Variants in MAGI2 observed in about 807,000 individuals in gnomAD.
MAGI2 encodes membrane-associated guanylate kinase, WW and PDZ domain-containing protein 2.
In MAGI2, 35 loss-of-function variants were observed where a neutral mutation model predicts 133.3. That is an observed-to-expected ratio of 0.26 (90% confidence interval 0.20 to 0.35). MAGI2 has a LOEUF of 0.35. MAGI2 is among the 10% of genes least tolerant of loss of function. MAGI2 has a pLI of 1.00. For synonymous variants in MAGI2, 729 were observed against 710.6 expected (o/e 1.03, Z -0.41); for missense variants, 1,636 against 1,863.4 (o/e 0.88, Z 2.25).
chr7:78,612,099 T>G (rs1806514206), intron 3 of MAGI2, among the ~76,000 whole-genome samples: 1 of 152,230 alleles, frequency 6.6e-6, no homozygotes, highest in Admixed American at 6.5e-5. Context: ...TCTACTATTG[T>G]TTGTAAAAAT....
intron 3 of MAGI2, among the ~76,000 whole-genome samples, chr7:78,536,316 T>G (rs936483819): frequency 2.7e-5 from 4 of 150,622 alleles, no homozygotes; most frequent in Non-Finnish European, 4.4e-5. Context: ...GTTTCACCGT[T>G]TTAGCCGGGA....
chr7:78,213,821 C>A (rs12374970), intron 10 of MAGI2, among the ~76,000 whole-genome samples: 29,517 of 152,172 alleles, frequency 0.19, 3,248 homozygotes, highest in East Asian at 0.29. Flanking sequence ...ATTCACGAAT[C>A]ATTCTTTGCT....
intron 2 of MAGI2, among the ~76,000 whole-genome samples, chr7:78,894,814 C>T (rs1042086733): frequency 2.6e-5 from 4 of 152,132 alleles, no homozygotes; most frequent in South Asian, 2.1e-4. Context: ...CTCACACATT[C>T]GACTTTTTCT....
chr7:79,167,141 A>G (rs1043843871), intron 1 of MAGI2, among the ~76,000 whole-genome samples: 1 of 111,848 alleles, frequency 8.9e-6, no homozygotes, highest in Admixed American at 1.0e-4. Context: ...TACAGGCTTT[A>G]TAGGGTCTTT....
intron 1 of MAGI2, among the ~76,000 whole-genome samples, chr7:79,081,418 G>A (rs749770786): frequency 2.0e-5 from 3 of 152,100 alleles, no homozygotes; most frequent in Non-Finnish European, 4.4e-5. Context: ...TTGCCAAAGT[G>A]TATGCTCCAT....
intron 2 of MAGI2, among the ~76,000 whole-genome samples, chr7:78,728,985 A>G (rs1320046331): frequency 6.6e-6 from 1 of 152,188 alleles, no homozygotes; most frequent in East Asian, 1.9e-4. Context: ...TGCTCACTGA[A>G]AAGGGGTAAG....
intron 1 of MAGI2, chr7:79,414,076 G>A (rs965953558): frequency 3.9e-5 from 6 of 152,120 alleles, no homozygotes; most frequent in Non-Finnish European, 7.4e-5. Context: ...TACTCCAACA[G>A]TTGGCAAAGG....
intron 2 of MAGI2, among the ~76,000 whole-genome samples, chr7:78,710,325 G>A (rs772588816): frequency 2.0e-5 from 3 of 152,102 alleles, no homozygotes; most frequent in Non-Finnish European, 4.4e-5. Context: ...GATCCTGATT[G>A]AGTCCAAGTA....
chr7:78,030,463 G>A (rs748995127), intron 21 of MAGI2, among the ~76,000 whole-genome samples: 38 of 152,198 alleles, frequency 2.5e-4, no homozygotes, highest in South Asian at 2.1e-4. Flanking sequence ...CACCATGTTG[G>A]CCAGGATGGT....
At chr7:78,596,184 G>GAGGGAGGGAAGGAATGAAGGA (rs764648185) in intron 3 of MAGI2, among the ~76,000 whole-genome samples, 2 of 120,244 alleles carry the variant, frequency 1.7e-5, no homozygotes, top group South Asian at 3.2e-4. Context: ...TGAAGGAAGG[G>GAGGGAGGGAAGGAATGAAGGA]AGGGAGGGAG....
intron 1 of MAGI2, among the ~76,000 whole-genome samples, chr7:79,376,723 T>C (rs183253006): frequency 1.4e-4 from 21 of 152,018 alleles, no homozygotes; most frequent in African/African-American, 3.6e-4. Context: ...TTCAAATAAA[T>C]GAATTAATTT....
At chr7:78,567,833 A>C (rs1019557488) in intron 3 of MAGI2, 1 of 152,014 alleles carries the variant, frequency 6.6e-6, no homozygotes, top group African/African-American at 2.4e-5. Flanking sequence ...CTATGGTAAA[A>C]CTCCCTATGG....
intron 10 of MAGI2, among the ~76,000 whole-genome samples, 175 bp from the exon 11 acceptor site, chr7:78,201,368 T>A (rs1215924304): frequency 6.6e-6 from 1 of 152,200 alleles, no homozygotes; most frequent in Admixed American, 6.5e-5. Flanking sequence ...AATAATTTCA[T>A]TGGAATTGTA....
chr7:78,040,167 T>C (rs1173412097), intron 21 of MAGI2, among the ~76,000 whole-genome samples: 2 of 152,234 alleles, frequency 1.3e-5, no homozygotes, highest in African/African-American at 4.8e-5. Context: ...GACAGCTCGT[T>C]GTGCTCTTGG....
chr7:79,379,424 G>T (rs537698392), intron 1 of MAGI2, among the ~76,000 whole-genome samples: 1 of 151,882 alleles, frequency 6.6e-6, no homozygotes, highest in African/African-American at 2.4e-5. Context: ...GTAAACATAC[G>T]TGTGCATGTG....
At position 78,288,558 on chromosome 7, in the gene MAGI2, G is replaced by C. The variant is rs567963355; in HGVS notation, c.1409-31977C>G. 2.0e-5 allele frequency among the ~76,000 whole-genome samples: 3 copies of C among 152,294 alleles called. No individual in the cohort carries two copies. In the South Asian group the frequency reaches 6.2e-4, roughly 32 times the overall value. On this transcript the variant is annotated intron_variant, in intron 9 of 21. Transcript: ENST00000354212. Reference sequence around the variant, plus strand: ...AGCCCCCAGCAGGCGCAATGCAGAAGATGGATGATTTCTGCATTTCCAACT... The same window carrying C: ...AGCCCCCAGCAGGCGCAATGCAGAACATGGATGATTTCTGCATTTCCAACT...
intron 1 of MAGI2, among the ~76,000 whole-genome samples, chr7:79,071,388 C>G (rs1192771493): frequency 6.6e-6 from 1 of 151,996 alleles, no homozygotes; most frequent in Non-Finnish European, 1.5e-5. Flanking sequence ...TCTGTTGGCC[C>G]CTGCTGGGAG....
At chr7:79,367,858 C>CACACACACACACACAT in intron 1 of MAGI2, among the ~76,000 whole-genome samples, 1 of 87,112 alleles carries the variant, frequency 1.1e-5, no homozygotes, top group African/African-American at 4.6e-5. Context: ...ATATATGTGA[C>CACACACACACACACAT]ATATATATAT....
At chr7:79,097,273 G>A (rs1160178864) in intron 1 of MAGI2, among the ~76,000 whole-genome samples, 1 of 152,156 alleles carries the variant, frequency 6.6e-6, no homozygotes, top group Admixed American at 6.5e-5. Flanking sequence ...AGTACAAAGA[G>A]AAACTGGCAC....
Sources: gnomAD v4.1 joint callset for allele counts (sites outside exome capture counted in the v4.1 genomes callset) on GRCh38, gnomAD v4.1.1 for gene constraint, MANE v1.5 for transcripts, NCBI Gene and HGNC (gene_info 2026-07-23, HGNC 2026-07-21) for gene names.